Variants in ATP1A3 observed in about 807,000 individuals in gnomAD.
ATP1A3 encodes ATPase Na+/K+ transporting subunit alpha 3, also known as sodium/potassium-transporting ATPase subunit alpha-3.
In ATP1A3, 12 loss-of-function variants were observed where a neutral mutation model predicts 108.8. The ratio of observed to expected loss-of-function variants is 0.11; its 90% confidence interval spans 0.07 to 0.18. The LOEUF is 0.18. Ranked by LOEUF, ATP1A3 falls within the 10% of genes least tolerant of loss-of-function variation. The pLI is 1.00. For synonymous variants in ATP1A3, 539 were observed against 564.5 expected (o/e 0.95, Z 0.64); for missense variants, 498 against 1,387.7 (o/e 0.36, Z 10.19).
At chr19:41,976,906 G>A (rs1323498070) in intron 14 of ATP1A3, among the ~76,000 whole-genome samples, 2 of 152,008 alleles carry the variant, frequency 1.3e-5, no homozygotes, top group African/African-American at 4.8e-5. Context: ...TTGGGTTCAA[G>A]TGATTTTCCT....
chr19:41,976,836 G>A (rs1020395738), intron 14 of ATP1A3, among the ~76,000 whole-genome samples: 2 of 151,884 alleles, frequency 1.3e-5, no homozygotes, highest in South Asian at 4.2e-4. Flanking sequence ...ATGGAGTCTC[G>A]CTCTGTCACC....
At chr19:41,972,871 A>AAAGAAGGAAGGCAGGCAGGC (rs1555860248) in intron 16 of ATP1A3, among the ~76,000 whole-genome samples, 1 of 133,308 alleles carries the variant, frequency 7.5e-6, no homozygotes, top group African/African-American at 2.9e-5. Context: ...AGAAGGAAGG[A>AAAGAAGGAAGGCAGGCAGGC]AGGCAGGCAG....
chr19:41,990,353 C>A (rs2075325310), intron 1 of ATP1A3, among the ~76,000 whole-genome samples: 1 of 151,618 alleles, frequency 6.6e-6, no homozygotes, highest in African/African-American at 2.4e-5. Context: ...TTCTCTCTCT[C>A]TCTCTCCCTC....
chr19:41,979,917 C>T (rs571679528), intron 11 of ATP1A3, among the ~76,000 whole-genome samples: 1 of 152,326 alleles, frequency 6.6e-6, no homozygotes, highest in South Asian at 2.1e-4. Flanking sequence ...GCTGAGAGCC[C>T]CCTGGAGGCT....
At position 41,975,812 on chromosome 19, in the gene ATP1A3, G is replaced by C; in HGVS notation, c.2095-15C>G. 6.2e-7 allele frequency: 1 copy of C among 1,613,930 alleles called. No homozygotes were observed. The highest frequency in any genetic ancestry group is 8.5e-7 in the Non-Finnish European group (1 of 1,179,936). ...ACAATTGCACCCTGGAGGGAGAGAG[G>C]GTAAGGATGACACCCAGAGGCCAGT... On this transcript the variant is annotated splice_polypyrimidine_tract_variant and intron_variant, in intron 15 of 22. Coordinates refer to ENST00000648268, the MANE Select transcript of ATP1A3 (RefSeq NM_152296.5).
In ATP1A3 at chr19:41,968,693, C is replaced by A. The variant is rs184128005; in HGVS notation, c.2819+92G>T. The A allele has an allele frequency of 1.9e-3, 2,962 of 1,587,642 alleles. 87 individuals are homozygous for A. The Admixed American group carries it at 0.048, about 26-fold the overall frequency. On this transcript the variant is annotated intron_variant, in intron 20 of 22. Transcript: ENST00000648268. The surrounding 1 kb of genome is among the most constrained non-coding windows in gnomAD (Gnocchi z 5.0). The stretch of plus-strand genomic sequence containing the variant: ...CCTGCCTCAACAAAACAACAAAAAA[C>A]CAAAGCAAGGACACAAGAGGAAGTA...
chr19:41,968,268 C>A lies in ATP1A3; in HGVS notation c.2820-505G>T, dbSNP rs2145943625. 6.6e-6 allele frequency among the ~76,000 whole-genome samples: 1 copy of A among 152,298 alleles called. No individual in the cohort carries two copies. The highest frequency in any genetic ancestry group is 2.4e-5 in the African/African-American group (1 of 41,574). On this transcript the variant is annotated intron_variant, in intron 20 of 22. Transcript: ENST00000648268. This position sits in a 1 kb window ranked among gnomAD's most constrained non-coding sequence, Gnocchi z 5.0. ...GTGGCTCACACCTGTAATCCTAGCA[C>A]TCTGGGAGGCTGAGGCAGGAAGATT...
At chr19:41,980,683 G>A (rs1354354831) in intron 11 of ATP1A3, among the ~76,000 whole-genome samples, 25 of 152,176 alleles carry the variant, frequency 1.6e-4, no homozygotes, top group Admixed American at 1.3e-3. Context: ...AGGCTGAGGC[G>A]GGCAGATCAC....
chr19:41,986,811 C>T (rs2075291760), intron 4 of ATP1A3: 1 of 149,828 alleles, frequency 6.7e-6, no homozygotes, highest in Non-Finnish European at 1.4e-5. Context: ...GGCACAATCT[C>T]AGTTCACTGT....
chr19:41,991,161 C>T (rs1022190896), intron 1 of ATP1A3, among the ~76,000 whole-genome samples: 19 of 152,184 alleles, frequency 1.2e-4, no homozygotes, highest in South Asian at 4.1e-4. Context: ...CTGCAGGGGC[C>T]GCTGACAGGT....
intron 14 of ATP1A3, 145 bp downstream of exon 14, chr19:41,977,791 G>A: frequency 4.9e-6 from 6 of 1,214,270 alleles, no homozygotes; most frequent in South Asian, 1.5e-5. Flanking sequence ...CACACCGGAG[G>A]GAGGGCCAGA....
intron 16 of ATP1A3, among the ~76,000 whole-genome samples, chr19:41,973,493 C>T (rs2075134623): frequency 6.6e-6 from 1 of 152,146 alleles, no homozygotes; most frequent in Non-Finnish European, 1.5e-5. Context: ...TGGGCTCAAG[C>T]GATCCTCCCG....
Position 41,982,117 on chromosome 19 carries a change from A to G in ATP1A3, c.994-11T>C, listed in dbSNP as rs1555863760. The G allele has an allele frequency of 7.4e-6, 12 of 1,614,044 alleles. No individual in the cohort carries two copies. Among genetic ancestry groups the G allele is most frequent in the South Asian group, 1.1e-5 (1 of 91,070 alleles). On this transcript the variant is annotated splice_polypyrimidine_tract_variant and intron_variant, in intron 8 of 22. Coordinates refer to ENST00000648268, the MANE Select transcript of ATP1A3 (RefSeq NM_152296.5). The stretch of plus-strand genomic sequence containing the variant: ...CAGCGTCAGACACACCTGGAGGACG[A>G]GCAAGGGCAGGCAAGTTACAGGGAC...
chr19:41,985,813 C>T lies in ATP1A3; in HGVS notation c.606+51G>A. 1 of 1,608,020 alleles carries T rather than the reference C, an allele frequency of 6.2e-7. No individual in the cohort carries two copies. Among genetic ancestry groups the T allele is most frequent in the South Asian group, 1.1e-5 (1 of 90,922 alleles). ...TGAGGGAGGAGGGGCTGGGCCTGAG[C>T]TCCTGGGCAGCCCGAGGGAGGGTAA... On this transcript the variant is annotated intron_variant, in intron 6 of 22. Transcript: ENST00000648268. The surrounding 1 kb of genome is among the most constrained non-coding windows in gnomAD (Gnocchi z 8.2).
chr19:41,968,765 C>T lies in ATP1A3; in HGVS notation c.2819+20G>A, dbSNP rs148592392. 5.2e-4 allele frequency: 839 copies of T among 1,613,602 alleles called. 5 individuals carry two copies. The African/African-American group carries it at 0.01, about 20-fold the overall frequency. ...ACAGGACAGATGGCTGTCCAGTCAC[C>T]ATGTGCCCCCGGCCCTCACTTCATG... On this transcript the variant is annotated intron_variant, in intron 20 of 22. Coordinates refer to ENST00000648268, the MANE Select transcript of ATP1A3 (RefSeq NM_152296.5). This position sits in a 1 kb window ranked among gnomAD's most constrained non-coding sequence, Gnocchi z 5.0.
chr19:41,971,152 C>CAG (rs1446247686), intron 16 of ATP1A3, among the ~76,000 whole-genome samples: 5 of 151,738 alleles, frequency 3.3e-5, no homozygotes, highest in African/African-American at 4.8e-5. Context: ...TTAGTAGAGA[C>CAG]AGAGTCTCAC....
intron 16 of ATP1A3, among the ~76,000 whole-genome samples, chr19:41,972,083 C>G (rs1268211347): frequency 2.0e-5 from 3 of 152,036 alleles, no homozygotes; most frequent in Non-Finnish European, 4.4e-5. Context: ...AACCCCATCT[C>G]TACTAAAAAT....
intron 11 of ATP1A3, among the ~76,000 whole-genome samples, chr19:41,979,239 G>C (rs2075204992): frequency 6.6e-6 from 1 of 151,702 alleles, no homozygotes; most frequent in Non-Finnish European, 1.5e-5. Flanking sequence ...CTGGCCTCAA[G>C]TGATCTGCCC....
In ATP1A3 at chr19:41,967,030, C is replaced by T; in HGVS notation, c.3014-65G>A. On this transcript the variant is annotated intron_variant, in intron 22 of 22. Transcript: ENST00000648268. The surrounding 1 kb of genome is among the most constrained non-coding windows in gnomAD (Gnocchi z 4.2). The stretch of plus-strand genomic sequence containing the variant: ...GATGGAGAGAGACAGGCAAGGCGAG[C>T]CGCCCAGCAGAGAGAGGGACAGAGA... 2 of 1,551,426 alleles carry T rather than the reference C, an allele frequency of 1.3e-6. No individual in the cohort carries two copies. Among genetic ancestry groups the T allele is most frequent in the Non-Finnish European group, 1.7e-6 (2 of 1,146,904 alleles).
Sources: gnomAD v4.1 joint callset for allele counts (sites outside exome capture counted in the v4.1 genomes callset) on GRCh38, gnomAD v4.1.1 for gene constraint, Gnocchi (gnomAD v3.1) non-coding constraint, MANE v1.5 for transcripts, NCBI Gene and HGNC (gene_info 2026-07-23, HGNC 2026-07-21) for gene names.